Variants in SCHIP1 observed in about 807,000 individuals in gnomAD.
The protein encoded by SCHIP1 is schwannomin interacting protein 1, also known as schwannomin-interacting protein 1.
A neutral mutation model predicts 29.7 loss-of-function variants in SCHIP1; 8 were observed. The ratio of observed to expected loss-of-function variants is 0.27; its 90% CI spans 0.16 to 0.49. The LOEUF (loss-of-function observed/expected upper bound fraction) is 0.49, where lower values mean the gene tolerates loss of function less well. Ranked by LOEUF, SCHIP1 falls within the 20% of genes least tolerant of loss-of-function variation. The probability of loss-of-function intolerance (pLI) is 0.99; values close to 1 mark genes in which losing one functional copy is unlikely to be tolerated. For missense variants in SCHIP1, 193 were observed against 294.6 expected, an observed-to-expected ratio of 0.66 and a Z score of 2.52; for synonymous variants, 76 against 94.9, an observed-to-expected ratio of 0.80 and a Z score of 1.16.
the SCHIP1 span, among the ~76,000 whole-genome samples, chr3:159,339,567 G>A: frequency 6.6e-6 from 1 of 152,072 alleles, no homozygotes; most frequent in East Asian, 1.9e-4. Flanking sequence ...TGCATTTCAG[G>A]CAGCAGCTTC....
chr3:159,463,786 G>T, the SCHIP1 span, among the ~76,000 whole-genome samples: 6 of 151,342 alleles, frequency 4.0e-5, no homozygotes, highest in African/African-American at 1.5e-4. Context: ...ACAAATAAAG[G>T]TTCTTAAAAT....
At chr3:159,892,018 T>A in intron 5 of SCHIP1, 79 bp from the exon 7 acceptor site, 1 of 1,492,338 alleles carries the variant, frequency 6.7e-7, no homozygotes, top group East Asian at 2.3e-5. Context: ...TGTTTGTGTG[T>A]ATACTGGTTG....
intron 2 of SCHIP1, among the ~76,000 whole-genome samples, chr3:159,874,740 T>C (rs76445381): frequency 0.059 from 8,942 of 152,216 alleles, 346 homozygotes; most frequent in Middle Eastern, 0.12. Context: ...AGCACAACGG[T>C]TATATCTGCC....
chr3:159,407,172 A>G, the SCHIP1 span, among the ~76,000 whole-genome samples: 1 of 152,160 alleles, frequency 6.6e-6, no homozygotes, highest in Non-Finnish European at 1.5e-5. Context: ...AAAGATATAC[A>G]TAAACCAAAA....
chr3:159,595,058 C>G, the SCHIP1 span, among the ~76,000 whole-genome samples: 3 of 152,106 alleles, frequency 2.0e-5, no homozygotes, highest in African/African-American at 7.2e-5. Flanking sequence ...AGATGAGATT[C>G]AATTAGTCAC....
chr3:159,499,443 A>G, the SCHIP1 span, among the ~76,000 whole-genome samples: 7 of 152,228 alleles, frequency 4.6e-5, no homozygotes, highest in African/African-American at 1.7e-4. Context: ...GATCCTTATG[A>G]AGACATTAAG....
At chr3:159,276,622 G>T in the SCHIP1 span, among the ~76,000 whole-genome samples, 1 of 152,168 alleles carries the variant, frequency 6.6e-6, no homozygotes, top group African/African-American at 2.4e-5. Context: ...TGACCTGACT[G>T]ATTTGAGATT....
the SCHIP1 span, among the ~76,000 whole-genome samples, chr3:159,829,731 T>C: frequency 6.6e-6 from 1 of 152,226 alleles, no homozygotes; most frequent in African/African-American, 2.4e-5. Flanking sequence ...TGCCTGTGCA[T>C]GCCCAAGCAA....
the SCHIP1 span, among the ~76,000 whole-genome samples, chr3:159,670,698 AT>A: frequency 6.6e-6 from 1 of 152,130 alleles, no homozygotes. Flanking sequence ...GTATCTTAGA[AT>A]TTTTTTAAAA....
the SCHIP1 span, among the ~76,000 whole-genome samples, chr3:159,547,228 T>C: frequency 6.6e-6 from 1 of 152,322 alleles, no homozygotes; most frequent in South Asian, 2.1e-4. Flanking sequence ...TTTTGCAAAG[T>C]GTCTGTTCAT....
intron 1 of SCHIP1, among the ~76,000 whole-genome samples, chr3:159,841,323 A>G (rs185581927): frequency 6.6e-6 from 1 of 152,304 alleles, no homozygotes. Flanking sequence ...GATTTATTTC[A>G]TAGTATTTTC....
At chr3:159,369,002 C>T in the SCHIP1 span, among the ~76,000 whole-genome samples, 4 of 152,120 alleles carry the variant, frequency 2.6e-5, no homozygotes, top group South Asian at 2.1e-4. Context: ...CTTGGGTACC[C>T]GGTGCTTTTG....
At chr3:159,849,236 T>C (rs1367785211) in intron 1 of SCHIP1, among the ~76,000 whole-genome samples, 1 of 152,194 alleles carries the variant, frequency 6.6e-6, no homozygotes, top group Non-Finnish European at 1.5e-5. Flanking sequence ...CATTACTATA[T>C]TACTAGTACA....
chr3:159,479,050 T>A, the SCHIP1 span, among the ~76,000 whole-genome samples: 1 of 152,142 alleles, frequency 6.6e-6, no homozygotes, highest in Non-Finnish European at 1.5e-5. Flanking sequence ...GTCTTTTCTC[T>A]TGCCTAATAT....
the SCHIP1 span, among the ~76,000 whole-genome samples, chr3:159,683,782 A>G: frequency 6.6e-6 from 1 of 152,180 alleles, no homozygotes; most frequent in East Asian, 1.9e-4. Context: ...CCAGAGCTCC[A>G]CTTGTGCTTC....
chr3:159,364,698 C>A, the SCHIP1 span, among the ~76,000 whole-genome samples: 1 of 152,200 alleles, frequency 6.6e-6, no homozygotes, highest in East Asian at 1.9e-4. Flanking sequence ...GGGGAAACAG[C>A]TCCCATTGCA....
chr3:159,499,650 T>TA, the SCHIP1 span, among the ~76,000 whole-genome samples: 5 of 152,256 alleles, frequency 3.3e-5, no homozygotes, highest in Non-Finnish European at 5.9e-5. Flanking sequence ...GTGACTTTGA[T>TA]ACATGCTCAA....
At chr3:159,424,921 A>C in the SCHIP1 span, among the ~76,000 whole-genome samples, 1 of 152,188 alleles carries the variant, frequency 6.6e-6, no homozygotes, top group Admixed American at 6.5e-5. Context: ...TCAAGCCAGA[A>C]TTTCATATCC....
chr3:159,474,613 T>C, the SCHIP1 span, among the ~76,000 whole-genome samples: 1 of 152,002 alleles, frequency 6.6e-6, no homozygotes, highest in Non-Finnish European at 1.5e-5. Flanking sequence ...AAAATATAGA[T>C]AGGGATCCCA....
Sources: allele counts gnomAD v4.1 joint callset (sites outside exome capture counted in the v4.1 genomes callset), GRCh38; gene constraint gnomAD v4.1.1; transcripts MANE v1.5; gene names NCBI Gene and HGNC (gene_info 2026-07-23, HGNC 2026-07-21).